Variants in TMEM38B observed in about 807,000 individuals in gnomAD.
TMEM38B encodes transmembrane protein 38B, also known as trimeric intracellular cation channel type B.
TMEM38B carries 24 observed loss-of-function variants against 28.7 expected under a neutral mutation model. The ratio of observed to expected loss-of-function variants is 0.84; its 90% CI spans 0.61 to 1.18. The LOEUF (loss-of-function observed/expected upper bound fraction) is 1.18, where lower values mean the gene tolerates loss of function less well. Among genes scored for constraint, TMEM38B ranks in the 50% most tolerant of loss-of-function variants. The pLI is 0.00. For missense variants in TMEM38B, 380 were observed against 350.9 expected (o/e 1.08, Z -0.66); for synonymous variants, 131 against 127.7 (o/e 1.03, Z -0.17).
chr9:105,749,036 A>C, intron 5 of TMEM38B: 4 of 1,290,544 alleles, frequency 3.1e-6, no homozygotes, highest in Non-Finnish European at 4.1e-6. Flanking sequence ...GTGTCTTAGA[A>C]TGAAGTCACT....
intron 4 of TMEM38B, among the ~76,000 whole-genome samples, chr9:105,747,869 C>T (rs868421686): frequency 9.2e-5 from 14 of 152,120 alleles, no homozygotes; most frequent in African/African-American, 3.1e-4. Flanking sequence ...TGTTCAGTTT[C>T]CATGTATTTG....
intron 1 of TMEM38B, among the ~76,000 whole-genome samples, chr9:105,702,547 T>C (rs1469744695): frequency 6.6e-6 from 1 of 152,226 alleles, no homozygotes; most frequent in Admixed American, 6.5e-5. Context: ...CATAAAACTA[T>C]TAAGCGTAGT....
chr9:105,747,466 T>C (rs1837456301), intron 4 of TMEM38B, among the ~76,000 whole-genome samples: 1 of 152,158 alleles, frequency 6.6e-6, no homozygotes, highest in Non-Finnish European at 1.5e-5. Context: ...GTCTTCTCTC[T>C]TTTCTTCTTT....
chr9:105,718,152 T>A (rs1173608608), intron 2 of TMEM38B, among the ~76,000 whole-genome samples: 2 of 152,160 alleles, frequency 1.3e-5, no homozygotes, highest in African/African-American at 2.4e-5. Flanking sequence ...TATAAAAAAA[T>A]TATGGCTTAA....
At chr9:105,738,622 A>G (rs985046781) in intron 4 of TMEM38B, among the ~76,000 whole-genome samples, 1 of 151,252 alleles carries the variant, frequency 6.6e-6, no homozygotes, top group African/African-American at 2.4e-5. Context: ...AGAAGAATCC[A>G]TTGACAAATC....
intron 2 of TMEM38B, among the ~76,000 whole-genome samples, chr9:105,711,508 AATT>A (rs1349417569): frequency 6.6e-6 from 1 of 151,946 alleles, no homozygotes; most frequent in Non-Finnish European, 1.5e-5. Context: ...AGACCTAATG[AATT>A]ATTATAAGGT....
intron 2 of TMEM38B, chr9:105,710,621 A>G (rs1472297391): frequency 1.3e-6 from 1 of 760,448 alleles, no homozygotes; most frequent in African/African-American, 1.7e-5. Context: ...AACAGAAGCA[A>G]ATCCTCTCTT....
chr9:105,758,915 C>T (rs556741297), intron 5 of TMEM38B: 27 of 1,328,594 alleles, frequency 2.0e-5, no homozygotes, highest in African/African-American at 7.2e-5. Flanking sequence ...TTCTGATCTA[C>T]CTGCAAACCA....
intron 4 of TMEM38B, among the ~76,000 whole-genome samples, chr9:105,733,414 C>CT (rs1238601451): frequency 4.0e-5 from 5 of 123,850 alleles, no homozygotes; most frequent in African/African-American, 1.4e-4. Context: ...TTGCAGTTTT[C>CT]TTTTTTCTTT....
At chr9:105,710,730 T>C (rs1835869817) in intron 2 of TMEM38B, 1 of 613,526 alleles carries the variant, frequency 1.6e-6, no homozygotes, top group Non-Finnish European at 3.2e-6. Flanking sequence ...TGTCGTTGGC[T>C]ATGTTCCTGA....
chr9:105,728,444 A>G (rs529169856), intron 4 of TMEM38B, among the ~76,000 whole-genome samples: 32 of 152,274 alleles, frequency 2.1e-4, no homozygotes, highest in African/African-American at 7.2e-4. Flanking sequence ...ATGGCTGCAT[A>G]ATATTCCATG....
intron 1 of TMEM38B, among the ~76,000 whole-genome samples, chr9:105,697,574 AT>A (rs767697678): frequency 6.6e-6 from 1 of 150,844 alleles, no homozygotes; most frequent in Non-Finnish European, 1.5e-5. Context: ...AAATTGCTTA[AT>A]TTTTTTTTGT....
rs1377117839 is a variant in TMEM38B at position 105,775,496 on chromosome 9, TTTG to T, written c.*1425_*1427del. Reference sequence around the variant, plus strand: ...TCACATTCAAGTTAGAAGTTTTTTTTTTGTTGTTGTTATTTTAAATTTTTAACA... The same window carrying T: ...TCACATTCAAGTTAGAAGTTTTTTTTTTGTTGTTATTTTAAATTTTTAACA... On this transcript the variant is annotated 3_prime_UTR_variant, in exon 6 of 6. Transcript: ENST00000374692. 3 of 152,082 alleles carry T rather than the reference TTTG, an allele frequency of 2.0e-5. No individual in the cohort carries two copies. Among genetic ancestry groups the T allele is most frequent in the South Asian group, 2.1e-4 (1 of 4,832 alleles). 9.4% of individuals were successfully genotyped at this position (152,082 alleles called of 1,614,324 possible).
At chr9:105,771,101 A>G (rs913960985) in intron 5 of TMEM38B, among the ~76,000 whole-genome samples, 7 of 152,208 alleles carry the variant, frequency 4.6e-5, no homozygotes, top group Non-Finnish European at 1.0e-4. Flanking sequence ...TAAAAATGCC[A>G]AAATATTTTT....
intron 4 of TMEM38B, among the ~76,000 whole-genome samples, chr9:105,746,423 A>G (rs1269044292): frequency 2.0e-5 from 3 of 152,168 alleles, no homozygotes; most frequent in African/African-American, 7.2e-5. Flanking sequence ...TTGCACATTG[A>G]TTTTGTATCC....
Position 105,774,111 on chromosome 9 carries a change from AT to A in TMEM38B, c.*39del. On this transcript the variant is annotated 3_prime_UTR_variant, in exon 6 of 6. Coordinates refer to ENST00000374692, the MANE Select transcript of TMEM38B (RefSeq NM_018112.3). Reference sequence around the variant, plus strand: ...CGTGATGAGCTCTACAAGGCCAAAAATTTTTTTTCTTATCTACCTGTTATAT... The same window carrying A: ...CGTGATGAGCTCTACAAGGCCAAAAATTTTTTTCTTATCTACCTGTTATAT... 3 of 1,593,782 alleles carry A rather than the reference AT, an allele frequency of 1.9e-6. No individual in the cohort carries two copies. The highest frequency in any genetic ancestry group is 1.4e-5 in the African/African-American group (1 of 73,164).
intron 5 of TMEM38B, chr9:105,758,985 A>G (rs1837935052): frequency 8.7e-7 from 1 of 1,147,990 alleles, no homozygotes; most frequent in Non-Finnish European, 1.3e-6. Flanking sequence ...TCCCCAATAT[A>G]TAATGTACAA....
chr9:105,729,883 G>T (rs1212691558), intron 4 of TMEM38B, among the ~76,000 whole-genome samples: 2 of 152,010 alleles, frequency 1.3e-5, no homozygotes, highest in African/African-American at 4.8e-5. Flanking sequence ...CTCTCGGTCT[G>T]TTCTTGGTGT....
At chr9:105,762,198 T>C in intron 5 of TMEM38B, among the ~76,000 whole-genome samples, 1 of 152,220 alleles carries the variant, frequency 6.6e-6, no homozygotes, top group South Asian at 2.1e-4. Flanking sequence ...TTATTAAAAA[T>C]CTGGACAGAA....
Sources: gnomAD v4.1 joint callset for allele counts (sites outside exome capture counted in the v4.1 genomes callset) on GRCh38, gnomAD v4.1.1 for gene constraint, MANE v1.5 for transcripts, NCBI Gene and HGNC (gene_info 2026-07-23, HGNC 2026-07-21) for gene names.